The following DPP9 variants were observed in gnomAD, a reference collection of about 807,000 sequenced individuals.
The protein encoded by DPP9 is dipeptidyl peptidase 9, also known as dipeptidyl peptidase IV-related protein-2.
A neutral mutation model predicts 110.7 loss-of-function variants in DPP9; 50 were observed. The ratio of observed to expected loss-of-function variants is 0.45; its 90% CI spans 0.36 to 0.57. The LOEUF (loss-of-function observed/expected upper bound fraction) is 0.57. Ranked by LOEUF, DPP9 falls within the 20% of genes least tolerant of loss-of-function variation. The pLI is 0.00. For synonymous variants in DPP9, 561 were observed against 514.4 expected, an observed-to-expected ratio of 1.09 and a Z score of -1.23; for missense variants, 1,022 against 1,217.9, an observed-to-expected ratio of 0.84 and a Z score of 2.39.
At chr19:4,690,279 T>C (rs2091195237) in intron 14 of DPP9, among the ~76,000 whole-genome samples, 2 of 152,208 alleles carry the variant, frequency 1.3e-5, no homozygotes, top group Non-Finnish European at 2.9e-5. Flanking sequence ...AAACAACTGC[T>C]GCTGCCCAGG....
chr19:4,702,146 C>T lies in DPP9; in HGVS notation c.893G>A (p.Gly298Asp). 2 of 1,610,288 alleles carry T rather than the reference C, an allele frequency of 1.2e-6. No homozygotes were observed. Among genetic ancestry groups the T allele is most frequent in the African/African-American group, 2.7e-5 (2 of 74,926 alleles). ...ATACAGGATTCGCAGCGTCTTGAGGCCCTCTGAACCTTGGGTGGGGTGGTG... is the reference window on the plus strand; with the variant it reads ...ATACAGGATTCGCAGCGTCTTGAGGTCCTCTGAACCTTGGGTGGGGTGGTG... ...CPTASWEGSEGLKTLRILYEE... is the reference protein window; with the variant it reads ...CPTASWEGSEDLKTLRILYEE... Residue 298 changes from glycine (G) to aspartate (D), a missense_variant, in exon 9 of 22, where the codon GGC (glycine) becomes GAC (aspartate). By Grantham distance (94) the Gly-to-Asp change is moderately conservative (BLOSUM62 -1). Transcript: ENST00000262960.
At chr19:4,697,787 C>T (rs575918087) in intron 10 of DPP9, 136 bp from the exon 11 acceptor site, 20 of 669,988 alleles carry the variant, frequency 3.0e-5, no homozygotes, top group Middle Eastern at 2.5e-4. Flanking sequence ...AACCCCAGAA[C>T]GCAACCTTCT....
chr19:4,677,003 T>A (rs2145223769), intron 21 of DPP9, among the ~76,000 whole-genome samples: 1 of 152,076 alleles, frequency 6.6e-6, no homozygotes. Flanking sequence ...TCTGTGGAGG[T>A]GGCTGAGGCT....
At position 4,688,693 on chromosome 19, in the gene DPP9, C is replaced by T; in HGVS notation, c.1885+64G>A. ...CTCTGCCTCTTTCCCCAGCATGGGG[C>T]CCTCGTCCCGTTTTACAGCCGGGCG... is the stretch of plus-strand genomic sequence containing the variant. On this transcript the variant is annotated intron_variant, in intron 16 of 21. Coordinates refer to ENST00000262960, the MANE Select transcript of DPP9 (RefSeq NM_139159.5). 2.9e-6 allele frequency: 4 copies of T among 1,360,564 alleles called. No individual in the cohort carries two copies. The South Asian group carries it at 7.5e-5, about 25-fold the overall frequency. 84.3% of individuals were successfully genotyped at this position (1,360,564 alleles called of 1,614,324 possible). A position where few individuals can be genotyped will look rare whatever the true frequency, so the allele number is the denominator to read the frequency against.
Position 4,704,415 on chromosome 19 carries a change from C to T in DPP9, c.427-111G>A. The T allele has an allele frequency of 7.5e-7, 1 of 1,335,844 alleles. No individual in the cohort carries two copies. Among genetic ancestry groups the T allele is most frequent in the East Asian group, 2.3e-5 (1 of 43,084 alleles). The allele number at this position is 1,335,844 out of a possible 1,614,324, so 82.7% of individuals were successfully genotyped here. On this transcript the variant is annotated intron_variant, in intron 5 of 21. Transcript: ENST00000262960. The surrounding 1 kb of genome is among the most constrained non-coding windows in gnomAD (Gnocchi z 6.0). Reference sequence around the variant, plus strand: ...ATTCCCAGGGAATCTGACTTCGGGCCTCGCCAGAGAGAACTTCCTGTACTG... The same window carrying T: ...ATTCCCAGGGAATCTGACTTCGGGCTTCGCCAGAGAGAACTTCCTGTACTG...
chr19:4,708,360 C>T (rs561208194), intron 4 of DPP9, among the ~76,000 whole-genome samples: 8 of 152,306 alleles, frequency 5.3e-5, no homozygotes, highest in African/African-American at 1.4e-4. Context: ...GACTCATCCC[C>T]CTGGCATTTA....
intron 20 of DPP9, 65 bp from the exon 21 acceptor site, chr19:4,680,011 C>G: frequency 8.3e-7 from 1 of 1,203,138 alleles, no homozygotes; most frequent in South Asian, 1.3e-5. Context: ...GGGAGCAGAT[C>G]ACAAGGTCAG....
chr19:4,711,443 T>C (rs10424188), intron 4 of DPP9, among the ~76,000 whole-genome samples: 2,569 of 152,002 alleles, frequency 0.017, 74 homozygotes, highest in African/African-American at 0.059. Flanking sequence ...GATCCTGGAT[T>C]ACCCAAGTGA....
At chr19:4,701,945 C>T in intron 9 of DPP9, 82 bp downstream of exon 9, 1 of 1,551,604 alleles carries the variant, frequency 6.4e-7, no homozygotes. Flanking sequence ...CTCAGAGGGC[C>T]TGGGGGACAG....
chr19:4,682,991 G>C lies in DPP9; in HGVS notation c.2332-153C>G. ...CCGGCAAGGAAGGGGCCCTCAGACCGCGTGGCCCCCGTGGACGGTGCGTGG... is the reference window on the plus strand; with the variant it reads ...CCGGCAAGGAAGGGGCCCTCAGACCCCGTGGCCCCCGTGGACGGTGCGTGG... On this transcript the variant is annotated intron_variant, in intron 19 of 21. Coordinates refer to ENST00000262960, the MANE Select transcript of DPP9 (RefSeq NM_139159.5). The surrounding 1 kb of genome is among the most constrained non-coding windows in gnomAD (Gnocchi z 7.1). The C allele has an allele frequency of 6.5e-7, 1 of 1,530,918 alleles. No homozygotes were observed. The highest frequency in any genetic ancestry group is 8.7e-7 in the Non-Finnish European group (1 of 1,144,844). 94.8% of individuals were successfully genotyped at this position (1,530,918 alleles called of 1,614,324 possible). A position where few individuals can be genotyped will look rare whatever the true frequency, so the allele number is the denominator to read the frequency against.
intron 3 of DPP9, 164 bp downstream of exon 3, chr19:4,719,687 A>G (rs2145998911): frequency 1.2e-6 from 1 of 821,346 alleles, no homozygotes; most frequent in East Asian, 2.7e-5. Context: ...ACCCCGCACT[A>G]CGCCACACTG....
chr19:4,721,998 G>A (rs932996323), intron 2 of DPP9, among the ~76,000 whole-genome samples: 5 of 152,148 alleles, frequency 3.3e-5, no homozygotes, highest in Non-Finnish European at 7.4e-5. Flanking sequence ...CGAGAACATG[G>A]TATGACAGTA....
chr19:4,676,444 A>T lies in DPP9; in HGVS notation c.*120T>A. ...AGGCAGCGGCTCCTCGGGGCTGGCC[A>T]GCGCTGGGCGGGACAAAGTGCCTCA... On this transcript the variant is annotated 3_prime_UTR_variant, in exon 22 of 22. Transcript: ENST00000262960. The surrounding 1 kb of genome is among the most constrained non-coding windows in gnomAD (Gnocchi z 4.0). 1 of 841,328 alleles carries T rather than the reference A, an allele frequency of 1.2e-6. No homozygotes were observed. Among genetic ancestry groups the T allele is most frequent in the Non-Finnish European group, 1.9e-6 (1 of 516,706 alleles). 52.1% of individuals were successfully genotyped at this position (841,328 alleles called of 1,614,324 possible). A position where few individuals can be genotyped will look rare whatever the true frequency, so the allele number is the denominator to read the frequency against.
In DPP9 at chr19:4,689,441, C is replaced by T; in HGVS notation, c.1749+129G>A. On this transcript the variant is annotated intron_variant, in intron 15 of 21. Transcript: ENST00000262960. The surrounding 1 kb of genome is among the most constrained non-coding windows in gnomAD (Gnocchi z 7.0). The stretch of plus-strand genomic sequence containing the variant: ...GGAGGCAGGGGTGGGCACTGCCTGC[C>T]CCAAGGCAGCTATGAGAATGCGAGA... 7.9e-7 allele frequency: 1 copy of T among 1,272,882 alleles called. No individual in the cohort carries two copies. The highest frequency in any genetic ancestry group is 2.7e-5 in the Admixed American group (1 of 37,338). The allele number at this position is 1,272,882 out of a possible 1,614,324, so 78.8% of individuals were successfully genotyped here. A position where few individuals can be genotyped will look rare whatever the true frequency, so the allele number is the denominator to read the frequency against.
chr19:4,678,405 G>A (rs1034854152), intron 21 of DPP9, among the ~76,000 whole-genome samples: 4 of 152,194 alleles, frequency 2.6e-5, no homozygotes, highest in African/African-American at 9.6e-5. Context: ...GAGCCACCAC[G>A]CCCGGCCTGA....
intron 20 of DPP9, 144 bp from the exon 21 acceptor site, chr19:4,680,090 A>G: frequency 1.7e-6 from 1 of 601,952 alleles, no homozygotes; most frequent in South Asian, 2.0e-5. Context: ...AAAAAAAATT[A>G]GCCAGGCATG....
chr19:4,713,819 T>C (rs901953329), intron 4 of DPP9, among the ~76,000 whole-genome samples: 4 of 152,134 alleles, frequency 2.6e-5, no homozygotes, highest in Admixed American at 2.0e-4. Context: ...AGCCACGGCA[T>C]CCTGGCCACA....
intron 2 of DPP9, among the ~76,000 whole-genome samples, chr19:4,720,511 T>C (rs1467941): frequency 0.65 from 98,540 of 151,426 alleles, 32,376 homozygotes; most frequent in Middle Eastern, 0.78. Context: ...CATCTGAAGA[T>C]GCTACCTGGC....
chr19:4,694,921 G>A lies in DPP9; in HGVS notation c.1354-98C>T. ...CCAGTAGTTTGGGAGGCTGGGGCAG[G>A]AGACTTGCTTGAGCCCAGGAATTTC... On this transcript the variant is annotated intron_variant, in intron 12 of 21. Coordinates refer to ENST00000262960, the MANE Select transcript of DPP9 (RefSeq NM_139159.5). This position sits in a 1 kb window ranked among gnomAD's most constrained non-coding sequence, Gnocchi z 4.0. 7.8e-7 allele frequency: 1 copy of A among 1,281,170 alleles called. No homozygotes were observed. Among genetic ancestry groups the A allele is most frequent in the Non-Finnish European group, 1.1e-6 (1 of 916,850 alleles). 79.4% of individuals were successfully genotyped at this position (1,281,170 alleles called of 1,614,324 possible). A position where few individuals can be genotyped will look rare whatever the true frequency, so the allele number is the denominator to read the frequency against.
Sources: gnomAD v4.1 joint callset for allele counts (sites outside exome capture counted in the v4.1 genomes callset) on GRCh38, gnomAD v4.1.1 for gene constraint, Gnocchi (gnomAD v3.1) non-coding constraint, MANE v1.5 for transcripts, NCBI Gene and HGNC (gene_info 2026-07-23, HGNC 2026-07-21) for gene names.